DLG2: variants seen among roughly 807,000 people sequenced by gnomAD.
The protein encoded by DLG2 is discs large MAGUK scaffold protein 2, also known as disks large homolog 2.
A neutral mutation model predicts 132.5 loss-of-function variants in DLG2; 45 were observed. The ratio of observed to expected loss-of-function variants is 0.34; its 90% CI spans 0.27 to 0.44. The LOEUF (loss-of-function observed/expected upper bound fraction) is 0.44, where lower values mean the gene tolerates loss of function less well. Among genes scored for constraint, DLG2 ranks in the 20% least tolerant of loss-of-function variants. The probability of loss-of-function intolerance (pLI) is 1.00; values close to 1 mark genes in which losing one functional copy is unlikely to be tolerated. For missense variants in DLG2, 1,045 were observed against 1,196.9 expected, an observed-to-expected ratio of 0.87 and a Z score of 1.87; for synonymous variants, 424 against 419.6, an observed-to-expected ratio of 1.01 and a Z score of -0.13.
chr11:85,223,480 T>A (rs529386304), intron 4 of DLG2, among the ~76,000 whole-genome samples: 27 of 151,868 alleles, frequency 1.8e-4, no homozygotes, highest in Admixed American at 1.2e-3. Flanking sequence ...TTAAAAAAAA[T>A]TTATATATAT....
At chr11:84,003,577 G>A (rs2094451890) in intron 11 of DLG2, among the ~76,000 whole-genome samples, 1 of 152,126 alleles carries the variant, frequency 6.6e-6, no homozygotes, top group South Asian at 2.1e-4. Context: ...GCAGTGCCAA[G>A]GGAAGGGGAA....
At chr11:84,057,595 G>A (rs553917780) in intron 11 of DLG2, among the ~76,000 whole-genome samples, 1 of 152,188 alleles carries the variant, frequency 6.6e-6, no homozygotes, top group African/African-American at 2.4e-5. Context: ...TTTGACCCAT[G>A]AGGAATCTCT....
intron 6 of DLG2, among the ~76,000 whole-genome samples, chr11:84,602,590 A>G (rs2099578580): frequency 6.6e-6 from 1 of 152,018 alleles, no homozygotes; most frequent in Non-Finnish European, 1.5e-5. Flanking sequence ...TCCCATCTAC[A>G]TATATTAAAA....
At chr11:85,153,477 T>C (rs2077397772) in intron 5 of DLG2, among the ~76,000 whole-genome samples, 1 of 152,170 alleles carries the variant, frequency 6.6e-6, no homozygotes, top group Admixed American at 6.5e-5. Context: ...CATTTCTCTA[T>C]AAGCTGATTA....
intron 18 of DLG2, among the ~76,000 whole-genome samples, chr11:83,673,091 A>G (rs2077103242): frequency 6.6e-6 from 1 of 152,140 alleles, no homozygotes; most frequent in Admixed American, 6.6e-5. Context: ...AAACAAAACA[A>G]ACAAAAAAAA....
chr11:83,795,443 A>G (rs2042589838), intron 17 of DLG2, among the ~76,000 whole-genome samples: 1 of 151,400 alleles, frequency 6.6e-6, no homozygotes. Flanking sequence ...CTATATCTAT[A>G]TATCTATATC....
intron 7 of DLG2, among the ~76,000 whole-genome samples, chr11:84,467,595 C>T (rs899262421): frequency 6.6e-6 from 1 of 151,026 alleles, no homozygotes; most frequent in Non-Finnish European, 1.5e-5. Flanking sequence ...TGGGGAGACC[C>T]TTTTACATTA....
At chr11:84,138,626 G>C (rs2094702932) in intron 9 of DLG2, among the ~76,000 whole-genome samples, 1 of 152,114 alleles carries the variant, frequency 6.6e-6, no homozygotes, top group African/African-American at 2.4e-5. Flanking sequence ...ATTGAATTCA[G>C]GAATAGAGAA....
At chr11:84,298,604 C>A (rs11823072) in intron 7 of DLG2, among the ~76,000 whole-genome samples, 1 of 152,006 alleles carries the variant, frequency 6.6e-6, no homozygotes, top group Non-Finnish European at 1.5e-5. Context: ...GCTTCTAATA[C>A]GATAGTTGAA....
intron 18 of DLG2, among the ~76,000 whole-genome samples, chr11:83,706,702 G>A (rs1361277927): frequency 2.0e-5 from 3 of 152,166 alleles, no homozygotes; most frequent in Non-Finnish European, 4.4e-5. Context: ...TCCAATTGTC[G>A]AGAGTTGCCA....
chr11:84,126,762 A>C (rs2094193322), intron 9 of DLG2, among the ~76,000 whole-genome samples: 1 of 152,178 alleles, frequency 6.6e-6, no homozygotes, highest in Non-Finnish European at 1.5e-5. Flanking sequence ...TGTAGTACTT[A>C]ATTTACAATT....
At chr11:84,669,784 C>G (rs1342136960) in intron 6 of DLG2, among the ~76,000 whole-genome samples, 1 of 152,140 alleles carries the variant, frequency 6.6e-6, no homozygotes, top group African/African-American at 2.4e-5. Context: ...CATTTTTAGG[C>G]TTGGACTCCT....
intron 6 of DLG2, among the ~76,000 whole-genome samples, chr11:84,626,584 G>GA (rs557836960): frequency 3.3e-5 from 5 of 152,028 alleles, no homozygotes; most frequent in Non-Finnish European, 7.4e-5. Flanking sequence ...AACTCAGAGG[G>GA]AAAAAAAGAA....
intron 15 of DLG2, among the ~76,000 whole-genome samples, chr11:83,893,985 A>T (rs934433258): frequency 2.6e-5 from 4 of 152,176 alleles, no homozygotes; most frequent in African/African-American, 9.7e-5. Context: ...AATTGCTCCA[A>T]ATCCTTTCTC....
At chr11:84,684,676 C>T (rs1165813880) in intron 6 of DLG2, among the ~76,000 whole-genome samples, 1 of 152,178 alleles carries the variant, frequency 6.6e-6, no homozygotes, top group Non-Finnish European at 1.5e-5. Flanking sequence ...CTACTTTCTC[C>T]TCTGTAAAGT....
chr11:85,111,782 G>T, intron 5 of DLG2, 47 bp from the exon 6 acceptor site: 1 of 1,375,820 alleles, frequency 7.3e-7, no homozygotes, highest in Non-Finnish European at 1.0e-6. Context: ...TTATGGGCCA[G>T]TATGTATATA....
At chr11:84,563,481 C>CT (rs1452487727) in intron 6 of DLG2, among the ~76,000 whole-genome samples, 2 of 152,088 alleles carry the variant, frequency 1.3e-5, no homozygotes, top group Admixed American at 6.6e-5. Flanking sequence ...AGGAATCATG[C>CT]TTTTTTTCAG....
At chr11:84,098,461 G>A (rs569382749) in intron 10 of DLG2, among the ~76,000 whole-genome samples, 11 of 152,224 alleles carry the variant, frequency 7.2e-5, no homozygotes, top group African/African-American at 2.6e-4. Context: ...CCTTCCCAGG[G>A]AATGGTTTTT....
At chr11:85,397,755 C>G (rs1007225897) in intron 3 of DLG2, among the ~76,000 whole-genome samples, 1 of 152,170 alleles carries the variant, frequency 6.6e-6, no homozygotes, top group East Asian at 1.9e-4. Context: ...GCGCCCAATA[C>G]AGGAGCACCC....
Sources: gnomAD v4.1 joint callset for allele counts (sites outside exome capture counted in the v4.1 genomes callset) on GRCh38, gnomAD v4.1.1 for gene constraint, MANE v1.5 for transcripts, NCBI Gene and HGNC (gene_info 2026-07-23, HGNC 2026-07-21) for gene names.